The following VSTM4 variants were observed in gnomAD, a reference collection of about 807,000 sequenced individuals.
The protein encoded by VSTM4 is V-set and transmembrane domain containing 4, also known as V-set and transmembrane domain-containing protein 4.
Under a neutral mutation model 36.4 loss-of-function variants are expected in VSTM4, and 20 were observed. That is an observed-to-expected ratio of 0.55 (90% confidence interval 0.39 to 0.80). The LOEUF (loss-of-function observed/expected upper bound fraction) is 0.80, where lower values mean the gene tolerates loss of function less well. Among genes scored for constraint, VSTM4 ranks in the 30% least tolerant of loss-of-function variants. The probability of loss-of-function intolerance (pLI) is 0.00; values close to 1 mark genes in which losing one functional copy is unlikely to be tolerated. For synonymous variants in VSTM4, 182 were observed against 173.9 expected, an observed-to-expected ratio of 1.05 and a Z score of -0.37; for missense variants, 392 against 404.5, an observed-to-expected ratio of 0.97 and a Z score of 0.26.
At chr10:49,102,183 G>T in intron 2 of VSTM4, 1 of 104,206 alleles carries the variant, frequency 9.6e-6, no homozygotes, top group Non-Finnish European at 1.8e-5. Context: ...AGAGCGGAGT[G>T]CTGGAGTGCA....
intron 7 of VSTM4, among the ~76,000 whole-genome samples, chr10:49,034,249 A>C (rs1843393736): frequency 6.6e-6 from 1 of 152,252 alleles, no homozygotes; most frequent in African/African-American, 2.4e-5. Flanking sequence ...CACTATCATC[A>C]CCATCATCAG....
intron 7 of VSTM4, among the ~76,000 whole-genome samples, chr10:49,020,638 A>C (rs1256601514): frequency 6.6e-6 from 1 of 151,914 alleles, no homozygotes; most frequent in East Asian, 1.9e-4. Flanking sequence ...CCAGAAAAAT[A>C]GAAATTATAA....
chr10:49,074,662 C>T (rs1208096796), intron 4 of VSTM4, among the ~76,000 whole-genome samples: 1 of 152,168 alleles, frequency 6.6e-6, no homozygotes, highest in Non-Finnish European at 1.5e-5. Flanking sequence ...CCTGCCCTGC[C>T]AATGGGAGTT....
intron 1 of VSTM4, 100 bp downstream of exon 1, chr10:49,115,331 A>C: frequency 4.0e-6 from 3 of 751,210 alleles, no homozygotes; most frequent in Non-Finnish European, 4.9e-6. Context: ...CCGCGCCCGG[A>C]GGTGGCAGGG....
At chr10:49,071,227 A>C (rs1373179988) in intron 4 of VSTM4, among the ~76,000 whole-genome samples, 3 of 152,266 alleles carry the variant, frequency 2.0e-5, no homozygotes, top group East Asian at 3.8e-4. Flanking sequence ...TGTGCCTTAA[A>C]AACTGCACAT....
intron 5 of VSTM4, among the ~76,000 whole-genome samples, chr10:49,049,795 G>A (rs1164534287): frequency 6.6e-6 from 1 of 151,464 alleles, no homozygotes; most frequent in Non-Finnish European, 1.5e-5. Flanking sequence ...GCAGTCAAAT[G>A]TGAGGCAAAG....
rs1054041791 is a variant in VSTM4 at position 49,016,692 on chromosome 10, G to A, written c.*2958C>T. ...TCTTCACTCTCACAAGAGTCAAGAGGTGGGAGGCCTGGCTTTTCCTTATTT... is the reference window on the plus strand; with the variant it reads ...TCTTCACTCTCACAAGAGTCAAGAGATGGGAGGCCTGGCTTTTCCTTATTT... On this transcript the variant is annotated 3_prime_UTR_variant, in exon 8 of 8. Coordinates refer to ENST00000332853, the MANE Select transcript of VSTM4 (RefSeq NM_001031746.5). The A allele has an allele frequency of 1.2e-4, 19 of 152,222 alleles. No individual in the cohort carries two copies. Among genetic ancestry groups the A allele is most frequent in the African/African-American group, 4.3e-4 (18 of 41,448 alleles). The allele number at this position is 152,222 out of a possible 1,614,324, so 9.4% of individuals were successfully genotyped here.
At chr10:49,099,461 A>G (rs1260986719) in intron 2 of VSTM4, among the ~76,000 whole-genome samples, 1 of 152,126 alleles carries the variant, frequency 6.6e-6, no homozygotes, top group Non-Finnish European at 1.5e-5. Flanking sequence ...CCAATTTTGC[A>G]TTTTCTAGAA....
chr10:49,062,532 G>A (rs1843895590), intron 5 of VSTM4, among the ~76,000 whole-genome samples: 1 of 152,202 alleles, frequency 6.6e-6, no homozygotes, highest in Admixed American at 6.5e-5. Context: ...GAAATGCACT[G>A]TCATTCAACT....
intron 4 of VSTM4, among the ~76,000 whole-genome samples, chr10:49,072,107 C>A (rs1424735397): frequency 6.6e-6 from 1 of 152,326 alleles, no homozygotes; most frequent in East Asian, 1.9e-4. Context: ...TCTTTGGACA[C>A]ACATGGCTTG....
At chr10:49,059,484 C>T (rs1294223080) in intron 5 of VSTM4, among the ~76,000 whole-genome samples, 3 of 152,154 alleles carry the variant, frequency 2.0e-5, no homozygotes, top group Non-Finnish European at 2.9e-5. Flanking sequence ...CTCAGTCAGC[C>T]CCAGTTCAGA....
intron 7 of VSTM4, among the ~76,000 whole-genome samples, chr10:49,030,409 C>T (rs186759957): frequency 5.3e-5 from 8 of 152,284 alleles, no homozygotes; most frequent in African/African-American, 1.7e-4. Flanking sequence ...AGGCACCAAA[C>T]GCCCCACCTA....
chr10:49,034,235 T>A (rs1487687273), intron 7 of VSTM4, among the ~76,000 whole-genome samples: 1 of 151,518 alleles, frequency 6.6e-6, no homozygotes, highest in African/African-American at 2.4e-5. Context: ...ATCATCATTA[T>A]CACCACTATC....
At chr10:49,021,955 T>A (rs2131929355) in intron 7 of VSTM4, among the ~76,000 whole-genome samples, 1 of 152,316 alleles carries the variant, frequency 6.6e-6, no homozygotes, top group African/African-American at 2.4e-5. Context: ...TTTTACATAC[T>A]TAGAAAATCC....
At chr10:49,067,200 A>G (rs1432138839) in intron 4 of VSTM4, among the ~76,000 whole-genome samples, 2 of 146,830 alleles carry the variant, frequency 1.4e-5, no homozygotes, top group Non-Finnish European at 2.9e-5. Context: ...ATGTCAACAA[A>G]AAAATGATTG....
chr10:49,053,199 G>A (rs181325943), intron 5 of VSTM4, among the ~76,000 whole-genome samples: 329 of 152,354 alleles, frequency 2.2e-3, no homozygotes, highest in Middle Eastern at 0.014. Context: ...TGATTAGAGA[G>A]AAGTGCTATT....
chr10:49,102,642 G>A (rs1027190376), intron 2 of VSTM4: 93 of 984,994 alleles, frequency 9.4e-5, no homozygotes, highest in Non-Finnish European at 1.1e-4. Context: ...AAATATGTAT[G>A]ATTGAAATAG....
chr10:49,107,449 G>C, intron 2 of VSTM4, 145 bp downstream of exon 2: 1 of 1,024,614 alleles, frequency 9.8e-7, no homozygotes, highest in East Asian at 2.6e-5. Context: ...CCCATGGCAT[G>C]ACTCATGTCT....
rs574435028 is a variant in VSTM4 at position 49,042,477 on chromosome 10, G to A, written c.837+4506C>T. ...CAAGGCTGAGCCACACAGGCATTCAGGATCACATATAGAGAGCAGCTAGGC... is the reference window on the plus strand; with the variant it reads ...CAAGGCTGAGCCACACAGGCATTCAAGATCACATATAGAGAGCAGCTAGGC... On this transcript the variant is annotated intron_variant, in intron 7 of 7. Transcript: ENST00000332853. Among the ~76,000 whole-genome samples, 4 of 152,318 alleles carry A rather than the reference G, an allele frequency of 2.6e-5. No homozygotes were observed. The South Asian group carries it at 6.2e-4, about 24-fold the overall frequency.
Sources: gnomAD v4.1 joint callset for allele counts (sites outside exome capture counted in the v4.1 genomes callset) on GRCh38, gnomAD v4.1.1 for gene constraint, MANE v1.5 for transcripts, NCBI Gene and HGNC (gene_info 2026-07-23, HGNC 2026-07-21) for gene names.